Variants in MARCHF4 observed in about 807,000 individuals in gnomAD.
MARCHF4 encodes membrane associated ring-CH-type finger 4, also known as E3 ubiquitin-protein ligase MARCHF4.
In MARCHF4, 14 loss-of-function variants were observed where a neutral mutation model predicts 43.9. That is an observed-to-expected ratio of 0.32 (90% CI 0.21 to 0.50). The LOEUF (loss-of-function observed/expected upper bound fraction) is 0.50, where lower values mean the gene tolerates loss of function less well. Among genes scored for constraint, MARCHF4 ranks in the 20% least tolerant of loss-of-function variants. The pLI, the probability that MARCHF4 is intolerant of heterozygous loss-of-function variation, is 0.98. For synonymous variants in MARCHF4, 226 were observed against 213.3 expected (o/e 1.06, Z -0.52); for missense variants, 468 against 536.7 (o/e 0.87, Z 1.27).
chr2:216,288,072 C>T (rs1266590045), intron 1 of MARCHF4, among the ~76,000 whole-genome samples: 1 of 152,192 alleles, frequency 6.6e-6, no homozygotes, highest in Non-Finnish European at 1.5e-5. Context: ...AAGTGATCCT[C>T]CCACCTCAGC....
chr2:216,310,196 G>A (rs975180929), intron 1 of MARCHF4, among the ~76,000 whole-genome samples: 1 of 152,174 alleles, frequency 6.6e-6, no homozygotes, highest in African/African-American at 2.4e-5. Context: ...CTCCAGTGAT[G>A]AGTCTCCATC....
intron 1 of MARCHF4, among the ~76,000 whole-genome samples, chr2:216,357,306 T>A: frequency 6.6e-6 from 1 of 151,700 alleles, no homozygotes; most frequent in East Asian, 1.9e-4. Context: ...TCATTCTGTA[T>A]GTACACTTTT....
intron 1 of MARCHF4, among the ~76,000 whole-genome samples, chr2:216,338,255 G>A (rs980088516): frequency 6.6e-6 from 1 of 152,124 alleles, no homozygotes; most frequent in Non-Finnish European, 1.5e-5. Flanking sequence ...GTGCTGTGTG[G>A]TCACTCCTTG....
chr2:216,261,501 C>T (rs184560046), intron 3 of MARCHF4, among the ~76,000 whole-genome samples: 36 of 152,268 alleles, frequency 2.4e-4, no homozygotes, highest in Admixed American at 1.6e-3. Context: ...ATCACATTGG[C>T]GAAGTCCTTT....
chr2:216,304,455 G>A (rs971001249), intron 1 of MARCHF4, among the ~76,000 whole-genome samples: 7 of 152,192 alleles, frequency 4.6e-5, no homozygotes, highest in African/African-American at 1.7e-4. Context: ...ATAGAGGAAA[G>A]AGAAGCTGTT....
intron 1 of MARCHF4, among the ~76,000 whole-genome samples, chr2:216,329,878 G>C (rs1445105242): frequency 6.6e-6 from 1 of 151,822 alleles, no homozygotes; most frequent in Non-Finnish European, 1.5e-5. Flanking sequence ...CTTGGGGCCG[G>C]AGTTTGAGAC....
At chr2:216,361,070 A>G (rs191441522) in intron 1 of MARCHF4, among the ~76,000 whole-genome samples, 11 of 152,222 alleles carry the variant, frequency 7.2e-5, no homozygotes, top group African/African-American at 2.6e-4. Flanking sequence ...AAGCTGCTCT[A>G]AAAAAATTAA....
intron 1 of MARCHF4, among the ~76,000 whole-genome samples, chr2:216,314,143 G>C (rs1691733856): frequency 6.6e-6 from 1 of 152,110 alleles, no homozygotes; most frequent in Non-Finnish European, 1.5e-5. Flanking sequence ...CCCTATACCA[G>C]AATAAATTCT....
At chr2:216,336,672 G>A (rs1294031334) in intron 1 of MARCHF4, among the ~76,000 whole-genome samples, 1 of 138,262 alleles carries the variant, frequency 7.2e-6, no homozygotes, top group Admixed American at 8.0e-5. Context: ...AATGGCTTTA[G>A]ATCGATTCAG....
At chr2:216,325,468 T>C (rs1264506860) in intron 1 of MARCHF4, among the ~76,000 whole-genome samples, 2 of 152,084 alleles carry the variant, frequency 1.3e-5, no homozygotes, top group African/African-American at 4.8e-5. Flanking sequence ...AAAACTACTT[T>C]AAAGTTCATA....
chr2:216,359,018 G>A (rs942967870), intron 1 of MARCHF4, among the ~76,000 whole-genome samples: 4 of 152,196 alleles, frequency 2.6e-5, no homozygotes, highest in Non-Finnish European at 5.9e-5. Flanking sequence ...TAATTCAGGA[G>A]TGGGAATTTA....
intron 3 of MARCHF4, among the ~76,000 whole-genome samples, chr2:216,274,102 C>T (rs1369885449): frequency 6.6e-6 from 1 of 152,216 alleles, no homozygotes; most frequent in Non-Finnish European, 1.5e-5. Flanking sequence ...TCCCCGAGCA[C>T]AGTGACCTGA....
At chr2:216,298,154 CCTCCA>C (rs1574467677) in intron 1 of MARCHF4, among the ~76,000 whole-genome samples, 2 of 151,994 alleles carry the variant, frequency 1.3e-5, no homozygotes, top group African/African-American at 4.8e-5. Flanking sequence ...GCTCAACCAT[CCTCCA>C]TCCACCCTGA....
chr2:216,367,357 TC>T (rs749624638), intron 1 of MARCHF4, among the ~76,000 whole-genome samples: 4 of 150,896 alleles, frequency 2.7e-5, no homozygotes, highest in Non-Finnish European at 5.9e-5. Context: ...TCTTTCTCCC[TC>T]CCCTTCACTG....
At chr2:216,355,191 T>G (rs1448252921) in intron 1 of MARCHF4, among the ~76,000 whole-genome samples, 1 of 151,952 alleles carries the variant, frequency 6.6e-6, no homozygotes. Context: ...AGGCTGGTCT[T>G]GAACTCCTGA....
At chr2:216,262,062 G>GTTCTCATC (rs779669630) in intron 3 of MARCHF4, among the ~76,000 whole-genome samples, 1 of 152,174 alleles carries the variant, frequency 6.6e-6, no homozygotes, top group Non-Finnish European at 1.5e-5. Flanking sequence ...AAATCAGGTA[G>GTTCTCATC]TTCTCATCCA....
chr2:216,309,548 C>T (rs1691649260), intron 1 of MARCHF4, among the ~76,000 whole-genome samples: 1 of 152,186 alleles, frequency 6.6e-6, no homozygotes, highest in East Asian at 1.9e-4. Flanking sequence ...TACCCTGGGA[C>T]ACAGTGATTG....
chr2:216,259,093 G>A lies in MARCHF4; in HGVS notation c.*219C>T, dbSNP rs752797718. 9.1e-5 allele frequency: 44 copies of A among 485,570 alleles called. No individual in the cohort carries two copies. The highest frequency in any genetic ancestry group is 1.1e-3 in the Middle Eastern group (2 of 1,770). The allele number at this position is 485,570 out of a possible 1,614,324, so 30.1% of individuals were successfully genotyped here. On this transcript the variant is annotated 3_prime_UTR_variant, in exon 4 of 4. Coordinates refer to ENST00000273067, the MANE Select transcript of MARCHF4 (RefSeq NM_020814.3). Reference sequence around the variant, plus strand: ...TGCACTTTGTTGTTGAGTTGGTGTTGGTTTTCATTGTTGTTGTGGAGAGTG... The same window carrying A: ...TGCACTTTGTTGTTGAGTTGGTGTTAGTTTTCATTGTTGTTGTGGAGAGTG...
At chr2:216,348,319 A>G (rs55703605) in intron 1 of MARCHF4, among the ~76,000 whole-genome samples, 74,535 of 152,028 alleles carry the variant, frequency 0.49, 18,785 homozygotes, top group East Asian at 0.79. Flanking sequence ...GATTACAGGC[A>G]TGAGCCACCG....
Sources: gnomAD v4.1 joint callset for allele counts (sites outside exome capture counted in the v4.1 genomes callset) on GRCh38, gnomAD v4.1.1 for gene constraint, MANE v1.5 for transcripts, NCBI Gene and HGNC (gene_info 2026-07-23, HGNC 2026-07-21) for gene names.